PNPLA7: variants seen among roughly 807,000 people sequenced by gnomAD.
PNPLA7 encodes patatin like domain 7, lysophospholipase, also known as patatin-like phospholipase domain-containing protein 7.
In PNPLA7, 153 loss-of-function variants were observed where a neutral mutation model predicts 161.7. That is an observed-to-expected ratio of 0.95 (90% CI 0.83 to 1.08). The LOEUF is 1.08. Ranked by LOEUF, PNPLA7 falls within the 50% of genes least tolerant of loss-of-function variation. PNPLA7 has a pLI of 0.00. For missense variants in PNPLA7, 1,739 were observed against 1,856.6 expected (o/e 0.94, Z 1.16); for synonymous variants, 809 against 782.1 (o/e 1.03, Z -0.57).
chr9:137,526,557 G>A lies in PNPLA7; in HGVS notation c.748-3700C>T, dbSNP rs142907485. ...CTCCCAAAGTGCTGGGATTACAGGC[G>A]TGAGCCACCGCGCCTGGCCGATTTT... is the stretch of plus-strand genomic sequence containing the variant. On this transcript the variant is annotated intron_variant, in intron 8 of 34. Coordinates refer to ENST00000406427, the MANE Select transcript of PNPLA7 (RefSeq NM_001098537.3). Among the ~76,000 whole-genome samples, 513 of 152,270 alleles carry A rather than the reference G, an allele frequency of 3.4e-3. 4 individuals carry two copies. The East Asian group carries it at 0.035, about 10-fold the overall frequency.
chr9:137,465,303 G>GGGCAGGCACACAGCCCC (rs976864477), intron 26 of PNPLA7, among the ~76,000 whole-genome samples: 1 of 152,164 alleles, frequency 6.6e-6, no homozygotes, highest in Non-Finnish European at 1.5e-5. Context: ...TCAGCATGAG[G>GGGCAGGCACACAGCCCC]GGCAGGCACA....
chr9:137,549,371 T>C (rs559496865), intron 1 of PNPLA7, among the ~76,000 whole-genome samples: 1 of 151,818 alleles, frequency 6.6e-6, no homozygotes, highest in East Asian at 1.9e-4. Context: ...ATCGAGACCA[T>C]CCTGGCTAAC....
In PNPLA7 at chr9:137,550,379, T is replaced by C. The variant is rs1361351077; in HGVS notation, c.-182A>G. ...GTCTGTTCTCCAGGAAGAAAAGCTG[T>C]CTTTTGAGAAGTGTCTGTCATCTGC... On this transcript the variant is annotated 5_prime_UTR_variant, in exon 1 of 35. Coordinates refer to ENST00000406427, the MANE Select transcript of PNPLA7 (RefSeq NM_001098537.3). The C allele has an allele frequency of 8.6e-6, 6 of 697,548 alleles. No homozygotes were observed. Among genetic ancestry groups the C allele is most frequent in the African/African-American group, 1.8e-5 (1 of 56,050 alleles). 43.2% of individuals were successfully genotyped at this position (697,548 alleles called of 1,614,324 possible). A position where few individuals can be genotyped will look rare whatever the true frequency, so the allele number is the denominator to read the frequency against.
chr9:137,495,183 G>C (rs1439421464), intron 18 of PNPLA7, 37 bp from the exon 19 acceptor site: 4 of 1,510,096 alleles, frequency 2.6e-6, no homozygotes, highest in Admixed American at 3.5e-5. Flanking sequence ...CCGCGGGCTT[G>C]GGAGGGCCGA....
intron 12 of PNPLA7, among the ~76,000 whole-genome samples, chr9:137,514,104 C>A (rs1461088632): frequency 7.2e-6 from 1 of 138,690 alleles, no homozygotes; most frequent in South Asian, 2.4e-4. Context: ...GGCCGGGCTG[C>A]GGGCGGGTCA....
In PNPLA7 at chr9:137,478,125, G is replaced by T; in HGVS notation, c.2791C>A (p.Arg931=). ...LVEMYKHVFQ[R]PPDRHSDFSR... is the part of the protein sequence containing the mutation. Reference sequence around the variant, plus strand: ...AAGTCTGAGTGTCGGTCCGGGGGCCGCTGGAAGACATGCTTGTACATCTCC... The same window carrying T: ...AAGTCTGAGTGTCGGTCCGGGGGCCTCTGGAAGACATGCTTGTACATCTCC... The change falls in exon 25 of 35, where the codon CGG becomes AGG. Residue 931 remains arginine, a synonymous_variant. Coordinates refer to ENST00000406427, the MANE Select transcript of PNPLA7 (RefSeq NM_001098537.3). The T allele has an allele frequency of 1.5e-6, 2 of 1,347,152 alleles. No homozygotes were observed. Among genetic ancestry groups the T allele is most frequent in the Non-Finnish European group, 9.6e-7 (1 of 1,041,896 alleles). The allele number at this position is 1,347,152 out of a possible 1,614,324, so 83.4% of individuals were successfully genotyped here.
At position 137,504,445 on chromosome 9, in the gene PNPLA7, C is replaced by G. The variant is rs546432580; in HGVS notation, c.1473+1169G>C. On this transcript the variant is annotated intron_variant, in intron 14 of 34. Coordinates refer to ENST00000406427, the MANE Select transcript of PNPLA7 (RefSeq NM_001098537.3). ...CAGGCTGGTCTCGGACTCTTGACCT[C>G]AGGTGATCCACCTGCCTCGGCCTCC... Among the ~76,000 whole-genome samples the G allele has an allele frequency of 2.0e-5, 3 of 152,340 alleles. No homozygotes were observed. In the South Asian group the frequency reaches 6.2e-4, roughly 32 times the overall value.
intron 10 of PNPLA7, 88 bp downstream of exon 10, chr9:137,521,548 C>A: frequency 7.6e-7 from 1 of 1,310,208 alleles, no homozygotes; most frequent in Non-Finnish European, 1.1e-6. Context: ...CCCCACCAGG[C>A]ACTGGGCGCC....
chr9:137,479,092 C>A lies in PNPLA7; in HGVS notation c.2727G>T (p.Pro909=), dbSNP rs138068975. ...WCSGHLHLCC[P]RRVFSRRSLP... is the part of the protein sequence containing the mutation. ...GGCTCCTCCTGGAGAAGACGCGGCG[C>A]GGGCAGCAGAGGTGCAGGTGGCCGG... is the stretch of plus-strand genomic sequence containing the variant. Residue 909 remains proline, a synonymous_variant, in exon 24 of 35, where the codon CCG becomes CCT. Transcript: ENST00000406427. The A allele has an allele frequency of 1.9e-6, 3 of 1,597,838 alleles. No homozygotes were observed. In the South Asian group the frequency reaches 3.4e-5, roughly 18 times the overall value.
chr9:137,520,076 C>G lies in PNPLA7; in HGVS notation c.958-33G>C, dbSNP rs1834908391. ...ACAAGAAGGAAGTTCAGTGCCACCCCAGGAACACCCCACACCCACTGACAG... is the reference window on the plus strand; with the variant it reads ...ACAAGAAGGAAGTTCAGTGCCACCCGAGGAACACCCCACACCCACTGACAG... On this transcript the variant is annotated intron_variant, in intron 10 of 34. Coordinates refer to ENST00000406427, the MANE Select transcript of PNPLA7 (RefSeq NM_001098537.3). This position sits in a 1 kb window ranked among gnomAD's most constrained non-coding sequence, Gnocchi z 5.2. The G allele has an allele frequency of 1.2e-6, 2 of 1,609,242 alleles. No homozygotes were observed. Among genetic ancestry groups the G allele is most frequent in the Non-Finnish European group, 1.7e-6 (2 of 1,179,100 alleles).
intron 24 of PNPLA7, chr9:137,478,771 T>G: frequency 2.7e-6 from 1 of 366,380 alleles, no homozygotes; most frequent in Non-Finnish European, 5.0e-6. Context: ...TCCCCAGGGT[T>G]TGCTGAGCCC....
rs1482618782 is a variant in PNPLA7, at chr9:137,524,752, C to T, written c.748-1895G>A. On this transcript the variant is annotated intron_variant, in intron 8 of 34. Coordinates refer to ENST00000406427, the MANE Select transcript of PNPLA7 (RefSeq NM_001098537.3). This position sits in a 1 kb window ranked among gnomAD's most constrained non-coding sequence, Gnocchi z 4.4. ...AGCAGCGAACGAGTTTCCGTGGATGCCCCGTGGAATGAGTTTCCGTGGATG... is the reference window on the plus strand; with the variant it reads ...AGCAGCGAACGAGTTTCCGTGGATGTCCCGTGGAATGAGTTTCCGTGGATG... 6.6e-6 allele frequency among the ~76,000 whole-genome samples: 1 copy of T among 152,130 alleles called. No individual in the cohort carries two copies. Among genetic ancestry groups the T allele is most frequent in the Non-Finnish European group, 1.5e-5 (1 of 68,012 alleles).
At chr9:137,510,896 G>A (rs1261106915) in intron 12 of PNPLA7, among the ~76,000 whole-genome samples, 1 of 152,268 alleles carries the variant, frequency 6.6e-6, no homozygotes, top group Non-Finnish European at 1.5e-5. Flanking sequence ...TAGGATAAGA[G>A]AAAGTTATAT....
chr9:137,492,892 G>T, intron 20 of PNPLA7, 121 bp downstream of exon 20: 1 of 814,064 alleles, frequency 1.2e-6, no homozygotes, highest in Non-Finnish European at 1.9e-6. Context: ...GACTGGGTGG[G>T]CAGGGCTCCA....
rs758928509 is a variant in PNPLA7, at chr9:137,547,689, C to T, written c.31-30G>A. 34 of 1,607,844 alleles carry T rather than the reference C, an allele frequency of 2.1e-5. No homozygotes were observed. Among genetic ancestry groups the T allele is most frequent in the South Asian group, 9.9e-5 (9 of 90,982 alleles). On this transcript the variant is annotated intron_variant, in intron 1 of 34. Coordinates refer to ENST00000406427, the MANE Select transcript of PNPLA7 (RefSeq NM_001098537.3). This position sits in a 1 kb window ranked among gnomAD's most constrained non-coding sequence, Gnocchi z 4.6. Reference sequence around the variant, plus strand: ...AGCAGAGAGCATGGGGTCAGGTGGGCATGGACAGGCTTCCCAGCCCGAACT... The same window carrying T: ...AGCAGAGAGCATGGGGTCAGGTGGGTATGGACAGGCTTCCCAGCCCGAACT...
chr9:137,471,002 G>A (rs188463768), intron 25 of PNPLA7, among the ~76,000 whole-genome samples: 5 of 152,348 alleles, frequency 3.3e-5, no homozygotes, highest in Admixed American at 6.5e-5. Flanking sequence ...CTGCTCCCGC[G>A]CCTGGAATGA....
rs376631995 is a variant in PNPLA7, at chr9:137,493,102, C to T, written c.2128-20G>A. 9.3e-6 allele frequency: 15 copies of T among 1,613,084 alleles called. No individual in the cohort carries two copies. Among genetic ancestry groups the T allele is most frequent in the Non-Finnish European group, 1.2e-5 (14 of 1,179,494 alleles). On this transcript the variant is annotated intron_variant, in intron 19 of 34. Transcript: ENST00000406427. ...CACCACCTGCGGGCAGACACAGGAG[C>T]CAAGAGCCACACGTTTTAAACTGAG...
At chr9:137,514,086 GGC>G (rs1055017360) in intron 12 of PNPLA7, among the ~76,000 whole-genome samples, 4 of 151,902 alleles carry the variant, frequency 2.6e-5, no homozygotes, top group Non-Finnish European at 2.9e-5. Context: ...GAGGTGCCCG[GGC>G]CCTGTGGCCG....
Position 137,478,795 on chromosome 9 carries a change from C to T in PNPLA7, c.2763+261G>A, listed in dbSNP as rs1832063088. On this transcript the variant is annotated intron_variant, in intron 24 of 34. Coordinates refer to ENST00000406427, the MANE Select transcript of PNPLA7 (RefSeq NM_001098537.3). ...TTTGCTGAGCCCCCTGATTCAGGCC[C>T]ATCCCCGGGGTTCGCTGAGCCCCCA... is the stretch of plus-strand genomic sequence containing the variant. 7 of 434,874 alleles carry T rather than the reference C, an allele frequency of 1.6e-5. No homozygotes were observed. The East Asian group carries it at 2.9e-4, about 18-fold the overall frequency. 26.9% of individuals were successfully genotyped at this position (434,874 alleles called of 1,614,324 possible). A position where few individuals can be genotyped will look rare whatever the true frequency, so the allele number is the denominator to read the frequency against.
Sources: allele counts gnomAD v4.1 joint callset (sites outside exome capture counted in the v4.1 genomes callset), GRCh38; gene constraint gnomAD v4.1.1; non-coding constraint Gnocchi (gnomAD v3.1); transcripts MANE v1.5; gene names NCBI Gene and HGNC (gene_info 2026-07-23, HGNC 2026-07-21).